Variants in PCDH15 observed in about 807,000 individuals in gnomAD.
PCDH15 encodes protocadherin related 15, also known as protocadherin-15.
In PCDH15, 129 loss-of-function variants were observed where a neutral mutation model predicts 178.5. The observed-to-expected ratio is 0.72, with a 90% confidence interval of 0.63 to 0.84. The LOEUF is 0.84. PCDH15 is among the 40% of genes least tolerant of loss of function. The pLI is 0.00. For synonymous variants in PCDH15, 800 were observed against 732.0 expected (o/e 1.09, Z -1.50); for missense variants, 2,230 against 2,099.9 (o/e 1.06, Z -1.21).
intron 1 of PCDH15, among the ~76,000 whole-genome samples, chr10:55,244,254 T>G (rs1357894405): frequency 6.6e-6 from 1 of 152,064 alleles, no homozygotes; most frequent in Non-Finnish European, 1.5e-5. Flanking sequence ...TCATTTCTGC[T>G]TGTCTTTTAT....
At chr10:54,634,200 T>C (rs1458787911) in intron 2 of PCDH15, among the ~76,000 whole-genome samples, 2 of 148,258 alleles carry the variant, frequency 1.3e-5, no homozygotes, top group East Asian at 1.9e-4. Flanking sequence ...CTGCTTTCTA[T>C]ACTTGTATCA....
intron 3 of PCDH15, among the ~76,000 whole-genome samples, chr10:54,823,742 T>C (rs955144315): frequency 6.6e-6 from 1 of 152,088 alleles, no homozygotes; most frequent in African/African-American, 2.4e-5. Flanking sequence ...TTTTCTGCAA[T>C]GAAGGCTTAC....
At chr10:54,554,414 G>A (rs1020336112) in intron 2 of PCDH15, among the ~76,000 whole-genome samples, 4 of 152,110 alleles carry the variant, frequency 2.6e-5, no homozygotes, top group Admixed American at 1.3e-4. Flanking sequence ...CCAGATCTAC[G>A]TAAGTGATTC....
chr10:55,271,045 C>A (rs892701426), intron 1 of PCDH15, among the ~76,000 whole-genome samples: 1 of 151,956 alleles, frequency 6.6e-6, no homozygotes, highest in African/African-American at 2.4e-5. Context: ...AACAGAAAAC[C>A]AAATACCACA....
At chr10:54,238,659 C>CCTCTCTCT (rs141677915) in intron 8 of PCDH15, among the ~76,000 whole-genome samples, 1,801 of 130,136 alleles carry the variant, frequency 0.014, 19 homozygotes, top group Middle Eastern at 0.029. Context: ...TCCCATGCTG[C>CCTCTCTCT]CTCTCTCTCT....
rs149245741 is a variant in PCDH15, at chr10:54,216,179, G to A, written c.986-2131C>T. On this transcript the variant is annotated intron_variant, in intron 9 of 37. Transcript: ENST00000644397. ...GATTTAAAAAGTGTGGGGCTGGCTC[G>A]GCGCAGTGGCTCACGTCTGTAATCC... Among the ~76,000 whole-genome samples, 23 of 151,966 alleles carry A rather than the reference G, an allele frequency of 1.5e-4. No homozygotes were observed. The East Asian group carries it at 4.1e-3, about 27-fold the overall frequency.
chr10:54,493,692 A>G (rs1046378187), intron 3 of PCDH15, among the ~76,000 whole-genome samples: 1 of 151,930 alleles, frequency 6.6e-6, no homozygotes, highest in Non-Finnish European at 1.5e-5. Context: ...TTCCTCAGGG[A>G]TCTAGAACTA....
intron 13 of PCDH15, among the ~76,000 whole-genome samples, chr10:54,183,063 C>A (rs1216465852): frequency 3.3e-5 from 5 of 151,902 alleles, no homozygotes; most frequent in Admixed American, 2.6e-4. Context: ...CTCACCGCAA[C>A]CTTGGCCTCC....
intron 9 of PCDH15, among the ~76,000 whole-genome samples, chr10:54,229,290 C>A (rs561148897): frequency 9.9e-5 from 15 of 152,138 alleles, no homozygotes; most frequent in Admixed American, 9.2e-4. Context: ...ATATATAATA[C>A]AATTAATCAT....
At chr10:55,089,030 G>A (rs1348876901) in intron 2 of PCDH15, among the ~76,000 whole-genome samples, 1 of 152,052 alleles carries the variant, frequency 6.6e-6, no homozygotes, top group Non-Finnish European at 1.5e-5. Context: ...AAGATGTTAT[G>A]TTTCTCTAAT....
chr10:54,302,798 A>G (rs2060220498), intron 8 of PCDH15, among the ~76,000 whole-genome samples: 1 of 152,128 alleles, frequency 6.6e-6, no homozygotes, highest in Non-Finnish European at 1.5e-5. Flanking sequence ...AGACCTTTCC[A>G]TTTGAGAAAT....
chr10:54,902,401 C>A (rs900964735), intron 2 of PCDH15, among the ~76,000 whole-genome samples: 1 of 152,064 alleles, frequency 6.6e-6, no homozygotes, highest in African/African-American at 2.4e-5. Context: ...TTGTCATTCT[C>A]GTGATAATGA....
At chr10:54,862,049 T>A (rs1038666095) in intron 3 of PCDH15, among the ~76,000 whole-genome samples, 11 of 152,154 alleles carry the variant, frequency 7.2e-5, no homozygotes, top group African/African-American at 2.7e-4. Context: ...ACTAAATATA[T>A]AATAACTTCT....
At chr10:55,242,517 T>C (rs528026104) in intron 1 of PCDH15, among the ~76,000 whole-genome samples, 26 of 152,232 alleles carry the variant, frequency 1.7e-4, no homozygotes, top group African/African-American at 6.3e-4. Flanking sequence ...TGTGTTTGCT[T>C]TCCTTTCATT....
At chr10:53,927,983 A>T (rs2084714601) in intron 25 of PCDH15, among the ~76,000 whole-genome samples, 1 of 152,094 alleles carries the variant, frequency 6.6e-6, no homozygotes, top group Non-Finnish European at 1.5e-5. Context: ...CAATGTAGAA[A>T]GGACATTTTA....
Position 54,924,573 on chromosome 10 carries a change from G to GT in PCDH15, c.-79-27074dup, listed in dbSNP as rs1190014311. On this transcript the variant is annotated intron_variant, in intron 2 of 5. Coordinates refer to the PCDH15 transcript ENST00000458638. ...TACACTCCCCCCATAGCATATAAGT[G>GT]TTCTTTTTTCTCCACAACCTCATTA... Among the ~76,000 whole-genome samples, 74 of 150,076 alleles carry GT rather than the reference G, an allele frequency of 4.9e-4. 19 individuals carry two copies. Among genetic ancestry groups the GT allele is most frequent in the Non-Finnish European group, 9.4e-4 (63 of 67,364 alleles).
intron 2 of PCDH15, among the ~76,000 whole-genome samples, chr10:55,428,702 G>A (rs1838815041): frequency 6.6e-6 from 1 of 151,398 alleles, no homozygotes; most frequent in Non-Finnish European, 1.5e-5. Context: ...GGTATAACTA[G>A]GTCATTTAAA....
intron 2 of PCDH15, among the ~76,000 whole-genome samples, chr10:55,610,250 T>G (rs970390284): frequency 6.6e-6 from 1 of 152,110 alleles, no homozygotes; most frequent in Non-Finnish European, 1.5e-5. Context: ...GTTTTCAAAC[T>G]AACTTTAATT....
At chr10:54,913,281 A>G (rs1372685114) in intron 2 of PCDH15, among the ~76,000 whole-genome samples, 1 of 152,180 alleles carries the variant, frequency 6.6e-6, no homozygotes, top group African/African-American at 2.4e-5. Flanking sequence ...GGCCAGGCCC[A>G]TGACCCTTCT....
Sources: gnomAD v4.1 joint callset for allele counts (sites outside exome capture counted in the v4.1 genomes callset) on GRCh38, gnomAD v4.1.1 for gene constraint, MANE v1.5 for transcripts, NCBI Gene and HGNC (gene_info 2026-07-23, HGNC 2026-07-21) for gene names.